The following DNAJC1 variants were observed in gnomAD, a reference collection of about 807,000 sequenced individuals.
DNAJC1 encodes the protein DnaJ heat shock protein family (Hsp40) member C1.
A neutral mutation model predicts 76.6 loss-of-function variants in DNAJC1; 58 were observed. The observed-to-expected ratio is 0.76, with a 90% confidence interval of 0.61 to 0.94. The LOEUF (loss-of-function observed/expected upper bound fraction) is 0.94. Ranked by LOEUF, DNAJC1 falls within the 40% of genes least tolerant of loss-of-function variation. The pLI is 0.00. For missense variants in DNAJC1, 689 were observed against 677.3 expected, an observed-to-expected ratio of 1.02 and a Z score of -0.19; for synonymous variants, 258 against 267.9, an observed-to-expected ratio of 0.96 and a Z score of 0.36.
At chr10:21,823,874 A>G (rs951881384) in intron 8 of DNAJC1, among the ~76,000 whole-genome samples, 6 of 152,304 alleles carry the variant, frequency 3.9e-5, no homozygotes, top group East Asian at 1.9e-4. Context: ...AATATAAACT[A>G]TATCAGTCTA....
At chr10:21,866,700 T>A (rs1836007007) in intron 8 of DNAJC1, among the ~76,000 whole-genome samples, 1 of 152,120 alleles carries the variant, frequency 6.6e-6, no homozygotes. Flanking sequence ...TTGGCATATA[T>A]ATAATTCTGA....
intron 1 of DNAJC1, among the ~76,000 whole-genome samples, chr10:21,992,489 G>A (rs1256433293): frequency 2.0e-5 from 3 of 151,946 alleles, no homozygotes; most frequent in Non-Finnish European, 4.4e-5. Flanking sequence ...GGAGAACGAG[G>A]TTGCAGTGAG....
intron 9 of DNAJC1, among the ~76,000 whole-genome samples, chr10:21,777,796 AAAAGTGAT>A (rs1024483489): frequency 1.3e-5 from 2 of 152,242 alleles, no homozygotes; most frequent in Non-Finnish European, 2.9e-5. Context: ...CATCTGTAAC[AAAAGTGAT>A]AATGTGATTT....
Position 21,918,788 on chromosome 10 carries a change from G to C in DNAJC1, c.720C>G (p.His240Gln), listed in dbSNP as rs1055238685. ...AAGAGGTACATTTTACCTGGATGAG[G>C]TGAGGTAATGCTTTTAGTGTAAGGC... ...WFCLTLKALP[H>Q]LIQDAGQFYA... The change falls in exon 6 of 12, where the codon CAC becomes CAG. Residue 240 changes from histidine (H) to glutamine (Q), a missense_variant. Coordinates refer to ENST00000376980, the MANE Select transcript of DNAJC1 (RefSeq NM_022365.4). The C allele has an allele frequency of 1.6e-5, 26 of 1,610,526 alleles. No individual in the cohort carries two copies. The highest frequency in any genetic ancestry group is 2.0e-5 in the Non-Finnish European group (23 of 1,176,932).
intron 1 of DNAJC1, among the ~76,000 whole-genome samples, chr10:21,942,746 T>C (rs1277260612): frequency 1.1e-4 from 16 of 142,298 alleles, no homozygotes; most frequent in African/African-American, 3.2e-4. Context: ...GCGGAACTTG[T>C]AGTGAGCCGA....
At chr10:21,992,991 G>C (rs909290996) in intron 1 of DNAJC1, among the ~76,000 whole-genome samples, 15 of 151,954 alleles carry the variant, frequency 9.9e-5, no homozygotes, top group Non-Finnish European at 8.8e-5. Context: ...AATTCCCTCG[G>C]CCATACTTTA....
intron 1 of DNAJC1, among the ~76,000 whole-genome samples, chr10:21,958,394 C>G (rs1441726188): frequency 6.6e-6 from 1 of 151,640 alleles, no homozygotes; most frequent in Non-Finnish European, 1.5e-5. Context: ...TTCCATCAAC[C>G]CAAAAAGATT....
chr10:21,871,701 G>A (rs1836107141), intron 8 of DNAJC1, among the ~76,000 whole-genome samples: 1 of 151,998 alleles, frequency 6.6e-6, no homozygotes, highest in Admixed American at 6.6e-5. Flanking sequence ...AGGCTGGAGT[G>A]CAGTGGCGTG....
chr10:21,967,349 C>T (rs558628086), intron 1 of DNAJC1, among the ~76,000 whole-genome samples: 1 of 152,220 alleles, frequency 6.6e-6, no homozygotes, highest in South Asian at 2.1e-4. Flanking sequence ...TCATCCATAC[C>T]ATCACATGTA....
chr10:21,775,711 C>A (rs1008386195), intron 9 of DNAJC1, among the ~76,000 whole-genome samples: 1 of 152,062 alleles, frequency 6.6e-6, no homozygotes, highest in Non-Finnish European at 1.5e-5. Context: ...CATTTTTCAG[C>A]TAGTCATTCT....
chr10:21,853,823 C>T (rs575536424), intron 8 of DNAJC1, among the ~76,000 whole-genome samples: 2 of 138,594 alleles, frequency 1.4e-5, no homozygotes, highest in Non-Finnish European at 3.1e-5. Context: ...AAAAGACTAT[C>T]ACTGGGGAAA....
chr10:21,995,106 A>G (rs991856074), intron 1 of DNAJC1, among the ~76,000 whole-genome samples: 37 of 152,032 alleles, frequency 2.4e-4, no homozygotes, highest in Non-Finnish European at 4.7e-4. Context: ...AATTAAAAAA[A>G]ATTTTCTAAA....
chr10:21,957,016 C>A (rs1202796579), intron 1 of DNAJC1, among the ~76,000 whole-genome samples: 1 of 151,798 alleles, frequency 6.6e-6, no homozygotes, highest in Non-Finnish European at 1.5e-5. Flanking sequence ...CTCAGCCCCC[C>A]AAGGAACTGG....
intron 1 of DNAJC1, among the ~76,000 whole-genome samples, chr10:21,987,532 C>T (rs1289659728): frequency 5.3e-5 from 8 of 152,060 alleles, no homozygotes; most frequent in Admixed American, 5.2e-4. Flanking sequence ...TAGAATTATA[C>T]CCACAGCTTA....
At chr10:21,936,384 T>G (rs190348109) in intron 1 of DNAJC1, among the ~76,000 whole-genome samples, 1 of 152,162 alleles carries the variant, frequency 6.6e-6, no homozygotes, top group Non-Finnish European at 1.5e-5. Context: ...GGTAACTACA[T>G]AGATAAATAT....
intron 9 of DNAJC1, among the ~76,000 whole-genome samples, chr10:21,779,255 C>G (rs1834495511): frequency 6.6e-6 from 1 of 152,154 alleles, no homozygotes; most frequent in South Asian, 2.1e-4. Flanking sequence ...TAGTGGTTCT[C>G]CCAGAACGGA....
At chr10:21,942,469 A>C (rs564843939) in intron 1 of DNAJC1, among the ~76,000 whole-genome samples, 1 of 152,182 alleles carries the variant, frequency 6.6e-6, no homozygotes, top group African/African-American at 2.4e-5. Context: ...AATTTTTAAA[A>C]CACTTTGAGG....
intron 8 of DNAJC1, among the ~76,000 whole-genome samples, chr10:21,807,650 AAAT>A (rs1834900315): frequency 6.6e-6 from 1 of 152,212 alleles, no homozygotes; most frequent in Non-Finnish European, 1.5e-5. Context: ...AAGAGTCAGT[AAAT>A]AATAGCCAAT....
chr10:21,832,685 T>A (rs904907132), intron 8 of DNAJC1, among the ~76,000 whole-genome samples: 3 of 152,186 alleles, frequency 2.0e-5, no homozygotes, highest in African/African-American at 7.2e-5. Flanking sequence ...ACTCAGGAAT[T>A]TATTATCTCT....
Sources: gnomAD v4.1 joint callset for allele counts (sites outside exome capture counted in the v4.1 genomes callset) on GRCh38, gnomAD v4.1.1 for gene constraint, MANE v1.5 for transcripts, NCBI Gene and HGNC (gene_info 2026-07-23, HGNC 2026-07-21) for gene names.